MKLN1: variants seen among roughly 807,000 people sequenced by gnomAD.
MKLN1 encodes muskelin 1.
In MKLN1, 18 loss-of-function variants were observed where a neutral mutation model predicts 99.0. The observed-to-expected ratio is 0.18, with a 90% CI of 0.13 to 0.27. MKLN1 has a LOEUF of 0.27. Among genes scored for constraint, MKLN1 ranks in the 10% least tolerant of loss-of-function variants. The probability of loss-of-function intolerance (pLI) is 1.00; values close to 1 mark genes in which losing one functional copy is unlikely to be tolerated. For missense variants in MKLN1, 621 were observed against 875.9 expected (o/e 0.71, Z 3.67); for synonymous variants, 288 against 293.2 (o/e 0.98, Z 0.18).
At chr7:131,417,664 T>A (rs1052729705) in intron 8 of MKLN1, among the ~76,000 whole-genome samples, 1 of 152,186 alleles carries the variant, frequency 6.6e-6, no homozygotes, top group Non-Finnish European at 1.5e-5. Flanking sequence ...TTGTTTTTAT[T>A]TTTTACGTTC....
chr7:131,362,044 G>C (rs1800045832), intron 1 of MKLN1, among the ~76,000 whole-genome samples: 2 of 151,992 alleles, frequency 1.3e-5, no homozygotes, highest in African/African-American at 4.8e-5. Context: ...AAACTTGAAA[G>C]ATAGTTTGAT....
chr7:131,398,539 C>T (rs1794428509), intron 5 of MKLN1, among the ~76,000 whole-genome samples: 4 of 151,926 alleles, frequency 2.6e-5, no homozygotes, highest in Admixed American at 2.6e-4. Context: ...ACTAAAAATA[C>T]AAAAATTAGC....
At chr7:131,399,579 A>G (rs1174696124) in intron 6 of MKLN1, 146 bp downstream of exon 6, 1 of 662,992 alleles carries the variant, frequency 1.5e-6, no homozygotes, top group East Asian at 2.7e-5. Context: ...TCTTTGGATT[A>G]GGGACTTCTT....
intron 7 of MKLN1, among the ~76,000 whole-genome samples, chr7:131,413,669 A>G (rs887967964): frequency 5.3e-5 from 8 of 151,944 alleles, no homozygotes; most frequent in Admixed American, 4.6e-4. Flanking sequence ...CCTCCTGAGT[A>G]GCTGGGATTA....
chr7:131,263,316 C>A (rs1003220491), intron 3 of MKLN1, among the ~76,000 whole-genome samples: 2 of 146,924 alleles, frequency 1.4e-5, no homozygotes, highest in African/African-American at 2.5e-5. Flanking sequence ...CCAGCCTGGA[C>A]AATATAGTGA....
At chr7:131,234,115 G>A (rs1797281877) in intron 3 of MKLN1, among the ~76,000 whole-genome samples, 1 of 152,078 alleles carries the variant, frequency 6.6e-6, no homozygotes, top group South Asian at 2.1e-4. Flanking sequence ...GAGTAGCTGG[G>A]ATTACAGGCA....
intron 2 of MKLN1, among the ~76,000 whole-genome samples, chr7:131,377,851 TATG>T (rs1326600523): frequency 2.0e-5 from 3 of 152,328 alleles, no homozygotes; most frequent in Admixed American, 6.5e-5. Flanking sequence ...AACATTTCAA[TATG>T]ATAAGTCCTA....
chr7:131,272,995 T>G (rs922108468), intron 3 of MKLN1, among the ~76,000 whole-genome samples: 1 of 152,156 alleles, frequency 6.6e-6, no homozygotes, highest in Admixed American at 6.5e-5. Flanking sequence ...AAATGTAAAA[T>G]GCTAATCCAA....
intron 3 of MKLN1, among the ~76,000 whole-genome samples, chr7:131,231,888 C>T (rs996125283): frequency 2.6e-5 from 4 of 152,046 alleles, no homozygotes; most frequent in Admixed American, 6.6e-5. Flanking sequence ...CCACAAATGT[C>T]GCAAAATAAA....
At chr7:131,178,582 G>A (rs2116352829) in intron 2 of MKLN1, among the ~76,000 whole-genome samples, 1 of 152,310 alleles carries the variant, frequency 6.6e-6, no homozygotes, top group Non-Finnish European at 1.5e-5. Context: ...CTTTGCCACA[G>A]TCTGTTCAAT....
intron 3 of MKLN1, among the ~76,000 whole-genome samples, chr7:131,219,722 G>C (rs1220271531): frequency 1.3e-5 from 2 of 152,134 alleles, no homozygotes; most frequent in East Asian, 1.9e-4. Context: ...GCATGGATTT[G>C]CAATTCTGCA....
intron 2 of MKLN1, among the ~76,000 whole-genome samples, chr7:131,147,021 T>TC (rs1262373710): frequency 6.6e-6 from 1 of 152,172 alleles, no homozygotes; most frequent in Non-Finnish European, 1.5e-5. Flanking sequence ...AGGAGTCATC[T>TC]GATATTTGAT....
chr7:131,331,953 A>G (rs1799089640), intron 1 of MKLN1, among the ~76,000 whole-genome samples: 1 of 152,126 alleles, frequency 6.6e-6, no homozygotes, highest in Admixed American at 6.5e-5. Context: ...AATCTGATAG[A>G]TTTTTAAGTG....
At chr7:131,133,315 T>A (rs1182376473) in intron 1 of MKLN1, among the ~76,000 whole-genome samples, 3 of 135,600 alleles carry the variant, frequency 2.2e-5, no homozygotes, top group African/African-American at 8.5e-5. Flanking sequence ...TTTTTTATTT[T>A]TTATTTTAAT....
chr7:131,190,721 A>C (rs1236899961), intron 2 of MKLN1, among the ~76,000 whole-genome samples: 1 of 152,180 alleles, frequency 6.6e-6, no homozygotes, highest in African/African-American at 2.4e-5. Flanking sequence ...CACCCAAATA[A>C]TAGAAATGCA....
At chr7:131,326,321 C>T (rs1798888864), upstream of MKLN1, among the ~76,000 whole-genome samples, 1 of 152,116 alleles carries the variant, frequency 6.6e-6, no homozygotes, top group African/African-American at 2.4e-5. Flanking sequence ...ACACAGAAAG[C>T]ACATGTAATT....
At chr7:131,428,724 A>G (rs924055744) in intron 8 of MKLN1, among the ~76,000 whole-genome samples, 10 of 152,200 alleles carry the variant, frequency 6.6e-5, no homozygotes, top group African/African-American at 2.2e-4. Context: ...TTTCTGGGAT[A>G]CTTTACAAAT....
Position 131,488,495 on chromosome 7 carries a change from GA to G in MKLN1, c.*768del, listed in dbSNP as rs2116715510. On this transcript the variant is annotated 3_prime_UTR_variant, in exon 18 of 18. Transcript: ENST00000352689. ...TGAGTCACAGAAACCTTAAACTGAG[GA>G]GACAATAGTTCAGAACCTTTTTAAG... 1 of 152,580 alleles carries G rather than the reference GA, an allele frequency of 6.6e-6. No homozygotes were observed. The highest frequency in any genetic ancestry group is 2.1e-4 in the South Asian group (1 of 4,814). The allele number at this position is 152,580 out of a possible 1,614,324, so 9.5% of individuals were successfully genotyped here.
At position 131,132,947 on chromosome 7, in the gene MKLN1, A is replaced by AAAAGAAAGAAAG. The variant is rs1224385182; in HGVS notation, c.-418-9849_-418-9838dup. ...TCTCAAAAAAAAAAAAAAAAAAAAA[A>AAAAGAAAGAAAG]AAAGAAAGAAAGAAAGAAAGAAAGA... On this transcript the variant is annotated intron_variant, in intron 1 of 7. Transcript: ENST00000416992. Among the ~76,000 whole-genome samples the AAAAGAAAGAAAG allele has an allele frequency of 6.4e-3, 360 of 56,612 alleles. 4 individuals carry two copies. The highest frequency in any genetic ancestry group is 0.014 in the Middle Eastern group (1 of 70). The allele number at this position is 56,612 out of a possible 152,430, so 37.1% of individuals were successfully genotyped here.
Sources: gnomAD v4.1 joint callset for allele counts (sites outside exome capture counted in the v4.1 genomes callset) on GRCh38, gnomAD v4.1.1 for gene constraint, MANE v1.5 for transcripts, NCBI Gene and HGNC (gene_info 2026-07-23, HGNC 2026-07-21) for gene names.